SLC30A6: variants seen among roughly 807,000 people sequenced by gnomAD.
SLC30A6 encodes the protein zinc transporter 6.
In SLC30A6, 55 loss-of-function variants were observed where a neutral mutation model predicts 63.0. The ratio of observed to expected loss-of-function variants is 0.87; its 90% CI spans 0.70 to 1.09. The LOEUF is 1.09. Among genes scored for constraint, SLC30A6 ranks in the 50% least tolerant of loss-of-function variants. SLC30A6 has a pLI of 0.00. For synonymous variants in SLC30A6, 224 were observed against 186.1 expected (o/e 1.20, Z -1.66); for missense variants, 587 against 549.2 (o/e 1.07, Z -0.69).
intron 13 of SLC30A6, 96 bp from the exon 14 acceptor site, chr2:32,220,117 G>T: frequency 7.2e-7 from 1 of 1,388,084 alleles, no homozygotes; most frequent in Non-Finnish European, 9.7e-7. Context: ...GAAAATGCCA[G>T]GAACTTACCA....
chr2:32,190,513 G>A lies in SLC30A6; in HGVS notation c.285-1823G>A, dbSNP rs1558394893. 2.6e-5 allele frequency among the ~76,000 whole-genome samples: 4 copies of A among 151,048 alleles called. No individual in the cohort carries two copies. The South Asian group carries it at 8.3e-4, about 31-fold the overall frequency. On this transcript the variant is annotated intron_variant, in intron 5 of 13. Coordinates refer to ENST00000282587, the MANE Select transcript of SLC30A6 (RefSeq NM_017964.5). ...TTTATTTTTTTGGGTTGGTCCTTTT[G>A]TGTACTTGTTAAGAAATCTTGGCAT...
rs7598721 is a variant in SLC30A6, at chr2:32,187,105, C to T, written c.284+2767C>T. 1,322 of 465,314 alleles carry T rather than the reference C, an allele frequency of 2.8e-3. 22 individuals are homozygous for T. The highest frequency in any genetic ancestry group is 0.023 in the African/African-American group (1,126 of 49,976). The allele number at this position is 465,314 out of a possible 1,614,324, so 28.8% of individuals were successfully genotyped here. A position where few individuals can be genotyped will look rare whatever the true frequency, so the allele number is the denominator to read the frequency against. Reference sequence around the variant, plus strand: ...ACTACTGTGGGAAGACAGTAACTGGCGCAGGCACTAGACCACTGAGGACAT... The same window carrying T: ...ACTACTGTGGGAAGACAGTAACTGGTGCAGGCACTAGACCACTGAGGACAT... On this transcript the variant is annotated intron_variant, in intron 5 of 13. Transcript: ENST00000282587.
rs1415683368 is a variant in SLC30A6, at chr2:32,221,473, G to T, written c.*760G>T. 6.6e-6 allele frequency: 1 copy of T among 152,052 alleles called. No homozygotes were observed. Among genetic ancestry groups the T allele is most frequent in the African/African-American group, 2.4e-5 (1 of 41,402 alleles). 9.4% of individuals were successfully genotyped at this position (152,052 alleles called of 1,614,324 possible). A position where few individuals can be genotyped will look rare whatever the true frequency, so the allele number is the denominator to read the frequency against. The stretch of plus-strand genomic sequence containing the variant: ...GCACCTGGCCGATATTTTCTTTAAT[G>T]AAATTTATAAATATGCTTCTTGAAT... On this transcript the variant is annotated 3_prime_UTR_variant, in exon 14 of 14. Transcript: ENST00000282587.
intron 10 of SLC30A6, 25 bp from the exon 11 acceptor site, chr2:32,204,565 A>C (rs1684576556): frequency 1.3e-6 from 2 of 1,526,938 alleles, no homozygotes. Context: ...TAAATTTAAA[A>C]TTTAGAATTG....
chr2:32,212,933 G>A (rs1276617194), intron 13 of SLC30A6, among the ~76,000 whole-genome samples: 10 of 126,774 alleles, frequency 7.9e-5, no homozygotes, highest in Non-Finnish European at 1.1e-4. Context: ...AGGAGACAGC[G>A]TCCTGCCCTG....
chr2:32,192,212 G>C, intron 5 of SLC30A6, 124 bp from the exon 6 acceptor site: 1 of 751,242 alleles, frequency 1.3e-6, no homozygotes, highest in Non-Finnish European at 2.2e-6. Flanking sequence ...TAACAGTGTT[G>C]GGCTCATAGT....
chr2:32,166,759 A>T (rs962676864), intron 1 of SLC30A6, among the ~76,000 whole-genome samples: 20 of 152,240 alleles, frequency 1.3e-4, no homozygotes, highest in African/African-American at 4.6e-4. Context: ...TTTTTTACTT[A>T]AGTGGATATG....
chr2:32,188,446 C>T (rs980863770), intron 5 of SLC30A6, among the ~76,000 whole-genome samples: 15 of 152,140 alleles, frequency 9.9e-5, no homozygotes, highest in Admixed American at 3.9e-4. Context: ...ATAATCCCAG[C>T]GCTTTGGGAG....
intron 7 of SLC30A6, 46 bp downstream of exon 7, chr2:32,192,999 A>G: frequency 8.4e-7 from 1 of 1,187,810 alleles, no homozygotes; most frequent in Non-Finnish European, 1.2e-6. Flanking sequence ...ATTCTTAATT[A>G]TTAATTGATG....
chr2:32,192,069 T>C (rs1457077586), intron 5 of SLC30A6, among the ~76,000 whole-genome samples: 5 of 151,902 alleles, frequency 3.3e-5, no homozygotes, highest in African/African-American at 1.2e-4. Flanking sequence ...TTAAAGTTTT[T>C]CTGGAAAGAG....
At chr2:32,176,926 C>T (rs1681800538) in intron 4 of SLC30A6, among the ~76,000 whole-genome samples, 1 of 151,922 alleles carries the variant, frequency 6.6e-6, no homozygotes, top group Non-Finnish European at 1.5e-5. Flanking sequence ...ACATGCACCA[C>T]CACGCCTGGC....
chr2:32,204,526 G>A lies in SLC30A6; in HGVS notation c.666-64G>A. 5 of 1,081,936 alleles carry A rather than the reference G, an allele frequency of 4.6e-6. No homozygotes were observed. In the South Asian group the frequency reaches 6.7e-5, roughly 14 times the overall value. 67.0% of individuals were successfully genotyped at this position (1,081,936 alleles called of 1,614,324 possible). ...TGCTTTAGATAATTAATGTTCAGGAGATTTAATTGTAATATGCCCAGTGAG... is the reference window on the plus strand; with the variant it reads ...TGCTTTAGATAATTAATGTTCAGGAAATTTAATTGTAATATGCCCAGTGAG... On this transcript the variant is annotated intron_variant, in intron 10 of 13. Transcript: ENST00000282587.
chr2:32,182,931 G>T (rs1054176327), intron 4 of SLC30A6, among the ~76,000 whole-genome samples: 1 of 152,166 alleles, frequency 6.6e-6, no homozygotes, highest in Admixed American at 6.5e-5. Flanking sequence ...CCTCACACCT[G>T]TAATCCCAGC....
chr2:32,165,969 A>C, intron 1 of SLC30A6, 66 bp downstream of exon 1: 1 of 1,611,644 alleles, frequency 6.2e-7, no homozygotes, highest in South Asian at 1.1e-5. Context: ...TTGGTCCCGA[A>C]GCGACCTTGA....
rs1686278796 is a variant in SLC30A6, at chr2:32,223,940, A to C, written c.*3227A>C. 1 of 152,232 alleles carries C rather than the reference A, an allele frequency of 6.6e-6. No homozygotes were observed. Among genetic ancestry groups the C allele is most frequent in the Admixed American group, 6.5e-5 (1 of 15,278 alleles). 9.4% of individuals were successfully genotyped at this position (152,232 alleles called of 1,614,324 possible). A position where few individuals can be genotyped will look rare whatever the true frequency, so the allele number is the denominator to read the frequency against. On this transcript the variant is annotated 3_prime_UTR_variant, in exon 14 of 14. Coordinates refer to ENST00000282587, the MANE Select transcript of SLC30A6 (RefSeq NM_017964.5). Reference sequence around the variant, plus strand: ...GGTACTGGAGAGGACCTGAATTTCAAGCTTCTGATTTAGCTGTTTGTAAAC... The same window carrying C: ...GGTACTGGAGAGGACCTGAATTTCACGCTTCTGATTTAGCTGTTTGTAAAC...
chr2:32,208,615 C>T (rs1198899504), intron 12 of SLC30A6, among the ~76,000 whole-genome samples: 1 of 150,376 alleles, frequency 6.6e-6, no homozygotes, highest in South Asian at 2.1e-4. Context: ...CCAGGGGGTA[C>T]AGGGTCTTAC....
At chr2:32,177,982 C>CT (rs1681930370) in intron 4 of SLC30A6, among the ~76,000 whole-genome samples, 1 of 143,008 alleles carries the variant, frequency 7.0e-6, no homozygotes, top group African/African-American at 2.6e-5. Context: ...GAGTCTCGCT[C>CT]TGTCGCCCAG....
At chr2:32,177,240 A>G (rs1433345407) in intron 4 of SLC30A6, among the ~76,000 whole-genome samples, 1 of 152,206 alleles carries the variant, frequency 6.6e-6, no homozygotes, top group East Asian at 1.9e-4. Context: ...AAGTGGAATC[A>G]TACAATATAC....
At chr2:32,169,516 C>T (rs567039976) in intron 1 of SLC30A6, among the ~76,000 whole-genome samples, 8 of 152,286 alleles carry the variant, frequency 5.3e-5, no homozygotes, top group South Asian at 2.1e-4. Flanking sequence ...CGGTGGCTCA[C>T]GCCTGTAATC....
Sources: allele counts gnomAD v4.1 joint callset (sites outside exome capture counted in the v4.1 genomes callset), GRCh38; gene constraint gnomAD v4.1.1; transcripts MANE v1.5; gene names NCBI Gene and HGNC (gene_info 2026-07-23, HGNC 2026-07-21).